The following TRIM33 variants were observed in gnomAD, a reference collection of about 807,000 sequenced individuals.
TRIM33 encodes the protein tripartite motif containing 33.
Under a neutral mutation model 125.4 loss-of-function variants are expected in TRIM33, and 20 were observed. The ratio of observed to expected loss-of-function variants is 0.16; its 90% CI spans 0.11 to 0.23. The LOEUF (loss-of-function observed/expected upper bound fraction) is 0.23, where lower values mean the gene tolerates loss of function less well. Ranked by LOEUF, TRIM33 falls within the 10% of genes least tolerant of loss-of-function variation. The pLI, the probability that TRIM33 is intolerant of heterozygous loss-of-function variation, is 1.00. For missense variants in TRIM33, 920 were observed against 1,411.4 expected (o/e 0.65, Z 5.58); for synonymous variants, 564 against 513.9 (o/e 1.10, Z -1.32).
chr1:114,464,230 A>G (rs1650157576), intron 2 of TRIM33, 40 bp downstream of exon 2: 1 of 1,064,146 alleles, frequency 9.4e-7, no homozygotes, highest in East Asian at 2.5e-5. Context: ...TTACAGTTTG[A>G]TATCAAGATA....
At position 114,453,299 on chromosome 1, in the gene TRIM33, G is replaced by C. The variant is rs934607446; in HGVS notation, c.923+9805C>G. On this transcript the variant is annotated intron_variant, in intron 4 of 19. Transcript: ENST00000358465. ...GAATCACTTGAATCCAGGAGGCAGA[G>C]GTTGCAGTGAGCCGAGATCATGCCA... Among the ~76,000 whole-genome samples the C allele has an allele frequency of 2.0e-5, 3 of 151,848 alleles. No homozygotes were observed. In the East Asian group the frequency reaches 5.8e-4, roughly 30 times the overall value.
At chr1:114,446,256 A>G (rs1258601490) in intron 4 of TRIM33, among the ~76,000 whole-genome samples, 2 of 152,258 alleles carry the variant, frequency 1.3e-5, no homozygotes, top group Non-Finnish European at 2.9e-5. Context: ...CCAAAGGAAT[A>G]TAAGAGACAG....
At chr1:114,465,329 T>C (rs1650225857) in intron 1 of TRIM33, among the ~76,000 whole-genome samples, 1 of 152,158 alleles carries the variant, frequency 6.6e-6, no homozygotes, top group Non-Finnish European at 1.5e-5. Flanking sequence ...ACAGCATAAA[T>C]GACACAATCC....
chr1:114,448,594 A>G (rs1384426039), intron 4 of TRIM33, among the ~76,000 whole-genome samples: 6 of 152,334 alleles, frequency 3.9e-5, no homozygotes, highest in African/African-American at 1.4e-4. Flanking sequence ...AGTTATGCCA[A>G]GTGAATTCAA....
At chr1:114,506,909 C>T (rs1191137452) in intron 1 of TRIM33, among the ~76,000 whole-genome samples, 1 of 152,182 alleles carries the variant, frequency 6.6e-6, no homozygotes, top group Non-Finnish European at 1.5e-5. Context: ...GTTAAAAATG[C>T]AGGCACATGG....
chr1:114,482,787 T>C (rs1651440101), intron 1 of TRIM33, among the ~76,000 whole-genome samples: 1 of 152,140 alleles, frequency 6.6e-6, no homozygotes, highest in African/African-American at 2.4e-5. Flanking sequence ...CACTCTCTCT[T>C]CCTCCTGTCA....
At chr1:114,462,124 C>T (rs1195711446) in intron 4 of TRIM33, among the ~76,000 whole-genome samples, 4 of 152,086 alleles carry the variant, frequency 2.6e-5, no homozygotes, top group Admixed American at 2.0e-4. Context: ...TGTGAGTAGG[C>T]TCTCTTACAC....
rs1648729547 is a variant in TRIM33, at chr1:114,442,701, A to AG, written c.924-8969_924-8968insC. ...AGACTCTGTCTCAAAAAAAAAAAAA[A>AG]AAAGAAAAAAAAAGAAAAAAAAAAC... is the stretch of plus-strand genomic sequence containing the variant. On this transcript the variant is annotated intron_variant, in intron 4 of 19. Transcript: ENST00000358465. Among the ~76,000 whole-genome samples, 3 of 148,358 alleles carry AG rather than the reference A, an allele frequency of 2.0e-5. No individual in the cohort carries two copies. In the South Asian group the frequency reaches 6.3e-4, roughly 31 times the overall value.
At chr1:114,427,024 A>C (rs549888690) in intron 8 of TRIM33, among the ~76,000 whole-genome samples, 153 bp downstream of exon 8, 4 of 152,356 alleles carry the variant, frequency 2.6e-5, no homozygotes, top group East Asian at 3.9e-4. Context: ...AACCACAGCT[A>C]AAGTGAGTTT....
chr1:114,417,648 ATTATTTAT>A (rs1007279523), intron 11 of TRIM33, among the ~76,000 whole-genome samples: 6 of 151,992 alleles, frequency 3.9e-5, no homozygotes, highest in East Asian at 3.9e-4. Context: ...AACTTTTCTT[ATTATTTAT>A]TTATTTATTT....
intron 1 of TRIM33, among the ~76,000 whole-genome samples, chr1:114,477,788 C>T (rs1651066113): frequency 1.3e-5 from 2 of 152,180 alleles, no homozygotes; most frequent in African/African-American, 4.8e-5. Flanking sequence ...AACCAACAAA[C>T]TAAATTTTAA....
chr1:114,404,365 C>CA (rs1386897065), intron 15 of TRIM33: 1 of 151,706 alleles, frequency 6.6e-6, no homozygotes, highest in Non-Finnish European at 1.5e-5. Context: ...AGGCTGGTCT[C>CA]AAACTCCTGA....
chr1:114,500,649 T>C (rs1248635126), intron 1 of TRIM33, among the ~76,000 whole-genome samples: 3 of 150,412 alleles, frequency 2.0e-5, no homozygotes, highest in Non-Finnish European at 4.4e-5. Context: ...TCAGTCGAGA[T>C]AATCTTGAAG....
intron 15 of TRIM33, among the ~76,000 whole-genome samples, chr1:114,403,549 T>A (rs915199299): frequency 2.0e-5 from 3 of 152,072 alleles, no homozygotes; most frequent in Non-Finnish European, 4.4e-5. Flanking sequence ...TTTTCTATTT[T>A]TTTTGAGACA....
chr1:114,479,010 T>C (rs893440303), intron 1 of TRIM33, among the ~76,000 whole-genome samples: 5 of 152,052 alleles, frequency 3.3e-5, no homozygotes, highest in East Asian at 3.8e-4. Flanking sequence ...GGTTGCACCA[T>C]TGCACTCCAG....
chr1:114,491,888 G>A (rs1308405087), intron 1 of TRIM33, among the ~76,000 whole-genome samples: 2 of 152,158 alleles, frequency 1.3e-5, no homozygotes, highest in Admixed American at 1.3e-4. Context: ...CATGAATGAA[G>A]CTTACCTTAC....
chr1:114,428,114 AAATG>A (rs1289406562), intron 6 of TRIM33, among the ~76,000 whole-genome samples: 4 of 152,258 alleles, frequency 2.6e-5, no homozygotes, highest in Non-Finnish European at 5.9e-5. Context: ...CCACATATAG[AAATG>A]AATGTTAGTT....
At chr1:114,402,954 G>A in intron 15 of TRIM33, 71 bp from the exon 16 acceptor site, 2 of 1,395,782 alleles carry the variant, frequency 1.4e-6, no homozygotes, top group Non-Finnish European at 1.9e-6. Flanking sequence ...TACTTCCCTG[G>A]ACTGGGGCCT....
rs138501757 is a variant in TRIM33 at position 114,474,165 on chromosome 1, T to C, written c.527-9777A>G. On this transcript the variant is annotated intron_variant, in intron 1 of 19. Transcript: ENST00000358465. ...ATCCTCCCGCTTCAACCTCCCAAAG[T>C]GCTGGGATTACAGGCATAAGTCACT... is the stretch of plus-strand genomic sequence containing the variant. Among the ~76,000 whole-genome samples, 52 of 152,174 alleles carry C rather than the reference T, an allele frequency of 3.4e-4. No homozygotes were observed. The East Asian group carries it at 9.3e-3, about 27-fold the overall frequency.
Sources: allele counts gnomAD v4.1 joint callset (sites outside exome capture counted in the v4.1 genomes callset), GRCh38; gene constraint gnomAD v4.1.1; transcripts MANE v1.5; gene names NCBI Gene and HGNC (gene_info 2026-07-23, HGNC 2026-07-21).